NCOA3: variants seen among roughly 807,000 people sequenced by gnomAD.
NCOA3 encodes CBP-interacting protein.
NCOA3 carries 51 observed loss-of-function variants against 158.8 expected under a neutral mutation model. That is an observed-to-expected ratio of 0.32 (90% CI 0.26 to 0.41). The LOEUF (loss-of-function observed/expected upper bound fraction) is 0.41, where lower values mean the gene tolerates loss of function less well. NCOA3 is among the 10% of genes least tolerant of loss of function. NCOA3 has a pLI of 1.00. For synonymous variants in NCOA3, 537 were observed against 592.4 expected (o/e 0.91, Z 1.36); for missense variants, 1,510 against 1,746.6 (o/e 0.86, Z 2.41).
chr20:47,587,417 A>T (rs1286450216), intron 2 of NCOA3, among the ~76,000 whole-genome samples: 1 of 152,186 alleles, frequency 6.6e-6, no homozygotes, highest in Admixed American at 6.5e-5. Flanking sequence ...CTAGGAAATA[A>T]TATGCATGCT....
intron 1 of NCOA3, among the ~76,000 whole-genome samples, chr20:47,529,921 A>T (rs1260638204): frequency 6.6e-6 from 1 of 152,266 alleles, no homozygotes; most frequent in Non-Finnish European, 1.5e-5. Context: ...GGAAGAAAGA[A>T]ATATGAAGAA....
At chr20:47,590,401 A>G in intron 2 of NCOA3, among the ~76,000 whole-genome samples, 1 of 152,078 alleles carries the variant, frequency 6.6e-6, no homozygotes, top group Admixed American at 6.5e-5. Flanking sequence ...GCTCATTGCA[A>G]TCTTGAATTC....
At chr20:47,526,951 A>G (rs1026355323) in intron 1 of NCOA3, among the ~76,000 whole-genome samples, 14 of 152,128 alleles carry the variant, frequency 9.2e-5, no homozygotes, top group African/African-American at 3.4e-4. Flanking sequence ...CCAGTTCCAT[A>G]TTTTTTAATG....
At chr20:47,502,040 A>C in intron 1 of NCOA3, 21 bp downstream of exon 1, 1 of 398,742 alleles carries the variant, frequency 2.5e-6, no homozygotes, top group Non-Finnish European at 4.4e-6. Context: ...ATAAAGGAGG[A>C]GGCGGTGGCG....
intron 1 of NCOA3, among the ~76,000 whole-genome samples, chr20:47,549,279 T>G (rs1039969050): frequency 2.0e-5 from 3 of 151,708 alleles, no homozygotes; most frequent in Non-Finnish European, 4.4e-5. Context: ...GCCAGCACAT[T>G]GGGAGGCTGA....
At chr20:47,628,335 C>T (rs2146307634) in intron 8 of NCOA3, 1 of 235,662 alleles carries the variant, frequency 4.2e-6, no homozygotes, top group South Asian at 1.4e-4. Flanking sequence ...TCTTTAACTT[C>T]AAGCCCATTT....
chr20:47,580,791 A>G (rs1382867705), intron 1 of NCOA3, among the ~76,000 whole-genome samples: 4 of 152,052 alleles, frequency 2.6e-5, no homozygotes, highest in African/African-American at 9.7e-5. Flanking sequence ...GGATAGCATA[A>G]AAATTCAAGT....
intron 1 of NCOA3, among the ~76,000 whole-genome samples, chr20:47,576,929 G>A (rs1291072171): frequency 6.6e-6 from 1 of 152,158 alleles, no homozygotes; most frequent in African/African-American, 2.4e-5. Flanking sequence ...GGGAGAGAGA[G>A]GCAGAACAAG....
At chr20:47,525,271 A>C (rs2084410188) in intron 1 of NCOA3, among the ~76,000 whole-genome samples, 1 of 151,472 alleles carries the variant, frequency 6.6e-6, no homozygotes, top group Admixed American at 6.6e-5. Flanking sequence ...GATCAACAGG[A>C]TCCCAAGGCA....
chr20:47,635,480 C>T lies in NCOA3; in HGVS notation c.1271C>T (p.Thr424Ile). ...SRAYGLADPS[T>I]TGQMSGARYG... ...GCCTATGGCTTGGCAGACCCTAGCACCACAGGGCAGATGAGTGGAGCTAGG... is the reference window on the plus strand; with the variant it reads ...GCCTATGGCTTGGCAGACCCTAGCATCACAGGGCAGATGAGTGGAGCTAGG... Residue 424 changes from threonine to isoleucine, a missense_variant, in exon 11 of 23, where the codon ACC becomes ATC. By Grantham distance (89) the Thr-to-Ile change is moderately conservative. Around this residue, in one of 4 missense-constraint regions of NCOA3, gnomAD observed 1,017 missense variants for 1,098.3 expected, o/e 0.93. Transcript: ENST00000371998. The T allele has an allele frequency of 5.6e-6, 9 of 1,614,042 alleles. No individual in the cohort carries two copies. The highest frequency in any genetic ancestry group is 7.6e-6 in the Non-Finnish European group (9 of 1,180,008).
At chr20:47,611,932 C>T (rs1053336557) in intron 2 of NCOA3, among the ~76,000 whole-genome samples, 1 of 152,266 alleles carries the variant, frequency 6.6e-6, no homozygotes, top group East Asian at 1.9e-4. Flanking sequence ...TCAGGTGATA[C>T]CCCCACCTCA....
chr20:47,528,675 GAAA>G (rs201047715), intron 1 of NCOA3, among the ~76,000 whole-genome samples: 1 of 151,262 alleles, frequency 6.6e-6, no homozygotes, highest in Non-Finnish European at 1.5e-5. Context: ...AAGCTGATGA[GAAA>G]AAAAAATCAG....
In NCOA3 at chr20:47,633,572, T is replaced by C; in HGVS notation, c.900T>C (p.Cys300=). 4 of 1,613,824 alleles carry C rather than the reference T, an allele frequency of 2.5e-6. No individual in the cohort carries two copies. The highest frequency in any genetic ancestry group is 3.4e-6 in the Non-Finnish European group (4 of 1,179,696). The change falls in exon 9 of 23, where the codon TGT becomes TGC. Residue 300 remains cysteine (C), a synonymous_variant. Coordinates refer to ENST00000371998, the MANE Select transcript of NCOA3 (RefSeq NM_181659.3). ...RPGFEDIIRR[C]IQRFFSLNDG... ...GCTTTGAAGATATAATCCGAAGGTGTATTCAGAGATTTTTTAGTCTAAATG... is the reference window on the plus strand; with the variant it reads ...GCTTTGAAGATATAATCCGAAGGTGCATTCAGAGATTTTTTAGTCTAAATG...
chr20:47,595,246 G>T (rs1030988672), intron 2 of NCOA3, among the ~76,000 whole-genome samples: 1 of 151,624 alleles, frequency 6.6e-6, no homozygotes, highest in Non-Finnish European at 1.5e-5. Flanking sequence ...CTACAGGCAC[G>T]TACCACCATG....
At chr20:47,571,698 T>C (rs931892024) in intron 1 of NCOA3, among the ~76,000 whole-genome samples, 2 of 152,164 alleles carry the variant, frequency 1.3e-5, no homozygotes, top group African/African-American at 4.8e-5. Flanking sequence ...ACAGGCAGAA[T>C]AGATTCAGTG....
intron 20 of NCOA3, among the ~76,000 whole-genome samples, chr20:47,651,955 C>T (rs558817262): frequency 5.3e-5 from 8 of 152,008 alleles, no homozygotes; most frequent in Non-Finnish European, 8.8e-5. Flanking sequence ...CGTGAGTCAC[C>T]GTGCCCGGCC....
At chr20:47,598,012 G>A (rs1383758283) in intron 2 of NCOA3, among the ~76,000 whole-genome samples, 3 of 151,654 alleles carry the variant, frequency 2.0e-5, no homozygotes, top group Admixed American at 1.3e-4. Flanking sequence ...TTAGGAGGCC[G>A]AGGTGGGCGG....
At chr20:47,535,400 C>T (rs1477891215) in intron 1 of NCOA3, among the ~76,000 whole-genome samples, 2 of 152,202 alleles carry the variant, frequency 1.3e-5, no homozygotes, top group African/African-American at 4.8e-5. Context: ...AGCTGAGTTA[C>T]ACTCTCTGCC....
intron 1 of NCOA3, among the ~76,000 whole-genome samples, chr20:47,512,791 T>C (rs769504564): frequency 2.0e-5 from 3 of 152,176 alleles, no homozygotes; most frequent in Non-Finnish European, 4.4e-5. Flanking sequence ...AACTGTATCA[T>C]ACGTGGATAC....
Sources: allele counts gnomAD v4.1 joint callset (sites outside exome capture counted in the v4.1 genomes callset), GRCh38; gene constraint gnomAD v4.1.1; regional missense constraint gnomAD v4.1.1; transcripts MANE v1.5; gene names NCBI Gene and HGNC (gene_info 2026-07-23, HGNC 2026-07-21).